The following LONP2 variants were observed in gnomAD, a reference collection of about 807,000 sequenced individuals.
The protein encoded by LONP2 is lon protease homolog 2, peroxisomal.
Under a neutral mutation model 85.6 loss-of-function variants are expected in LONP2, and 60 were observed. The ratio of observed to expected loss-of-function variants is 0.70; its 90% CI spans 0.57 to 0.87. The LOEUF (loss-of-function observed/expected upper bound fraction) is 0.87, where lower values mean the gene tolerates loss of function less well. Ranked by LOEUF, LONP2 falls within the 40% of genes least tolerant of loss-of-function variation. LONP2 has a pLI of 0.00. For synonymous variants in LONP2, 395 were observed against 389.7 expected (o/e 1.01, Z -0.16); for missense variants, 860 against 1,063.5 (o/e 0.81, Z 2.66).
intron 12 of LONP2, among the ~76,000 whole-genome samples, chr16:48,337,244 G>A (rs1234310294): frequency 2.0e-5 from 3 of 152,170 alleles, no homozygotes. Flanking sequence ...TCCTGCCCTT[G>A]TCTGCTAGAA....
Position 48,347,633 on chromosome 16 carries a change from C to G in LONP2, c.2065C>G (p.Leu689Val). 1 of 1,614,248 alleles carries G rather than the reference C, an allele frequency of 6.2e-7. No individual in the cohort carries two copies. Among genetic ancestry groups the G allele is most frequent in the South Asian group, 1.1e-5 (1 of 91,088 alleles). Residue 689 changes from leucine (L) to valine (V), a missense_variant, in exon 13 of 15, where the codon CTC (leucine) becomes GTC (valine). By Grantham distance (32) the Leu-to-Val change is conservative. This residue lies in a region of LONP2 where 743 missense variants were observed against 917.3 expected (regional missense o/e 0.81). Transcript: ENST00000285737. ...GEGQLTLTGQLGDVMKESAHL... is the reference protein window; with the variant it reads ...GEGQLTLTGQVGDVMKESAHL... ...GGGCCAGTTAACTCTGACCGGCCAG[C>G]TCGGGGACGTGATGAAGGAGTCCGC...
chr16:48,357,837 C>T (rs141267196), downstream of LONP2, among the ~76,000 whole-genome samples: 1 of 152,298 alleles, frequency 6.6e-6, no homozygotes, highest in Non-Finnish European at 1.5e-5. Flanking sequence ...TAAAATCATA[C>T]ATATTACAAT....
rs527855955 is a variant in LONP2 at position 48,290,140 on chromosome 16, A to C, written c.1384-5875A>C. ...TCTTTAGTTATATTAACCAGTTATGAATTGTATCTCTTAATTTTTCCCGTA... is the reference window on the plus strand; with the variant it reads ...TCTTTAGTTATATTAACCAGTTATGCATTGTATCTCTTAATTTTTCCCGTA... On this transcript the variant is annotated intron_variant, in intron 8 of 14. Transcript: ENST00000285737. Among the ~76,000 whole-genome samples, 20 of 152,218 alleles carry C rather than the reference A, an allele frequency of 1.3e-4. No individual in the cohort carries two copies. In the South Asian group the frequency reaches 3.1e-3, roughly 24 times the overall value.
At chr16:48,274,980 C>G (rs1972177107) in intron 7 of LONP2, among the ~76,000 whole-genome samples, 2 of 152,110 alleles carry the variant, frequency 1.3e-5, no homozygotes, top group Admixed American at 6.6e-5. Flanking sequence ...ATATTTTTCT[C>G]TCTTGTCTGC....
At chr16:48,252,074 A>C in intron 1 of LONP2, 57 bp from the exon 2 acceptor site, 1 of 1,261,966 alleles carries the variant, frequency 7.9e-7, no homozygotes, top group African/African-American at 1.5e-5. Flanking sequence ...TTCTGAAGTG[A>C]GTTTCTGTTC....
At chr16:48,299,297 G>A (rs536173988) in intron 9 of LONP2, among the ~76,000 whole-genome samples, 1 of 152,146 alleles carries the variant, frequency 6.6e-6, no homozygotes, top group South Asian at 2.1e-4. Flanking sequence ...AAAAAAGCAT[G>A]GCACTGGCTG....
intron 8 of LONP2, among the ~76,000 whole-genome samples, chr16:48,286,562 G>A (rs939720680): frequency 1.3e-5 from 2 of 151,962 alleles, no homozygotes; most frequent in Non-Finnish European, 2.9e-5. Flanking sequence ...GAGTGCAGTG[G>A]CGCACTCATG....
downstream of LONP2, among the ~76,000 whole-genome samples, chr16:48,359,453 G>A (rs112750536): frequency 6.8e-3 from 1,028 of 152,240 alleles, 13 homozygotes; most frequent in African/African-American, 0.024. Flanking sequence ...GGCCGGGCGC[G>A]GTGGCTCACG....
intron 11 of LONP2, among the ~76,000 whole-genome samples, chr16:48,325,001 C>T (rs1258503722): frequency 1.3e-5 from 2 of 152,040 alleles, no homozygotes; most frequent in Admixed American, 6.6e-5. Context: ...AGTCACTGTG[C>T]AATAGAACAG....
At chr16:48,276,543 G>A (rs927300167) in intron 7 of LONP2, among the ~76,000 whole-genome samples, 5 of 152,112 alleles carry the variant, frequency 3.3e-5, no homozygotes, top group African/African-American at 1.2e-4. Flanking sequence ...ACCTTTTTTG[G>A]TTTGATAAAC....
At chr16:48,346,201 G>A (rs1959958792) in intron 12 of LONP2, 1 of 152,224 alleles carries the variant, frequency 6.6e-6, no homozygotes, top group African/African-American at 2.4e-5. Context: ...AAGCTGTATA[G>A]TGCTGTTCCT....
intron 7 of LONP2, among the ~76,000 whole-genome samples, chr16:48,271,103 C>T (rs1372719392): frequency 5.9e-5 from 9 of 152,094 alleles, no homozygotes; most frequent in Non-Finnish European, 4.4e-5. Flanking sequence ...TCATTTAGGC[C>T]TGGGAAGGTC....
At chr16:48,361,511 C>T (rs886888231), downstream of LONP2, 2 of 1,530,516 alleles carry the variant, frequency 1.3e-6, no homozygotes, top group Non-Finnish European at 1.8e-6. Context: ...GGTTGGCAGA[C>T]AGATGGGTGC....
intron 6 of LONP2, 83 bp downstream of exon 6, chr16:48,262,955 C>A: frequency 1.2e-6 from 1 of 843,746 alleles, no homozygotes; most frequent in Non-Finnish European, 1.9e-6. Context: ...ATTTACTCCA[C>A]TGATTGTCGT....
chr16:48,347,843 A>G (rs1371966897), intron 13 of LONP2, 129 bp downstream of exon 13: 1 of 895,246 alleles, frequency 1.1e-6, no homozygotes, highest in Non-Finnish European at 1.7e-6. Context: ...ACCCCTGTGG[A>G]AATCCTAGTT....
At chr16:48,327,619 G>A (rs564779790) in intron 11 of LONP2, among the ~76,000 whole-genome samples, 4 of 151,944 alleles carry the variant, frequency 2.6e-5, no homozygotes, top group East Asian at 1.9e-4. Flanking sequence ...CACCAGGTCC[G>A]GCTAATTTTT....
At chr16:48,338,468 A>G (rs1596998180) in intron 12 of LONP2, among the ~76,000 whole-genome samples, 2 of 152,214 alleles carry the variant, frequency 1.3e-5, no homozygotes, top group African/African-American at 4.8e-5. Flanking sequence ...TGAAGGAAAC[A>G]GTTATCAAAA....
chr16:48,349,581 C>T (rs917990015), intron 14 of LONP2, among the ~76,000 whole-genome samples: 2 of 152,178 alleles, frequency 1.3e-5, no homozygotes, highest in Non-Finnish European at 1.5e-5. Flanking sequence ...AGCTCCAGAC[C>T]ATTACAAGAG....
In LONP2 at chr16:48,289,960, A is replaced by G. The variant is rs79010963; in HGVS notation, c.1384-6055A>G. On this transcript the variant is annotated intron_variant, in intron 8 of 14. Transcript: ENST00000285737. ...GATTGTAAAATATTTTAAACTAGTGATAATTTTGCTTGAAAATTCTGTAGG... is the reference window on the plus strand; with the variant it reads ...GATTGTAAAATATTTTAAACTAGTGGTAATTTTGCTTGAAAATTCTGTAGG... 3.0e-3 allele frequency among the ~76,000 whole-genome samples: 452 copies of G among 152,264 alleles called. 6 individuals carry two copies. Among genetic ancestry groups the G allele is most frequent in the African/African-American group, 9.2e-3 (382 of 41,554 alleles).
Sources: gnomAD v4.1 joint callset for allele counts (sites outside exome capture counted in the v4.1 genomes callset) on GRCh38, gnomAD v4.1.1 for gene constraint, gnomAD v4.1.1 regional missense constraint, MANE v1.5 for transcripts, NCBI Gene and HGNC (gene_info 2026-07-23, HGNC 2026-07-21) for gene names.